GLS: variants seen among roughly 807,000 people sequenced by gnomAD.
The protein encoded by GLS is glutaminase kidney isoform, mitochondrial.
A neutral mutation model predicts 86.7 loss-of-function variants in GLS; 36 were observed. That is an observed-to-expected ratio of 0.42 (90% CI 0.32 to 0.55). GLS has a LOEUF of 0.55. GLS is among the 20% of genes least tolerant of loss of function. The pLI is 0.17. For synonymous variants in GLS, 317 were observed against 305.9 expected (o/e 1.04, Z -0.38); for missense variants, 528 against 833.4 (o/e 0.63, Z 4.51).
At chr2:190,934,917 T>C in intron 14 of GLS, 1 of 976,132 alleles carries the variant, frequency 1.0e-6, no homozygotes, top group Non-Finnish European at 1.2e-6. Flanking sequence ...AAGAAAAAAC[T>C]TTGCCAGTTT....
chr2:190,884,119 C>T (rs1418445231), intron 1 of GLS, among the ~76,000 whole-genome samples: 3 of 152,162 alleles, frequency 2.0e-5, no homozygotes, highest in Admixed American at 6.5e-5. Context: ...TGCCTCTCTT[C>T]GTTTTCAAAA....
chr2:190,934,135 G>A, intron 14 of GLS: 5 of 983,092 alleles, frequency 5.1e-6, no homozygotes, highest in Non-Finnish European at 6.0e-6. Flanking sequence ...GTTGAAACCT[G>A]TTAATTTTAG....
intron 3 of GLS, chr2:190,896,366 T>C (rs1574567933): frequency 6.6e-6 from 1 of 152,236 alleles, no homozygotes; most frequent in African/African-American, 2.4e-5. Flanking sequence ...GTTTGATTAC[T>C]TAAAGATTTA....
intron 12 of GLS, among the ~76,000 whole-genome samples, chr2:190,929,842 G>GTA (rs1280353252): frequency 5.3e-5 from 8 of 150,322 alleles, no homozygotes; most frequent in East Asian, 2.0e-4. Context: ...TCTATGGTAT[G>GTA]TATATATATA....
At chr2:190,960,365 T>A (rs1384559950) in intron 17 of GLS, among the ~76,000 whole-genome samples, 1 of 145,398 alleles carries the variant, frequency 6.9e-6, no homozygotes, top group African/African-American at 2.6e-5. Context: ...TTCAATTTTT[T>A]TTTTTTTTTT....
chr2:190,918,840 G>T (rs1689633385), intron 7 of GLS, among the ~76,000 whole-genome samples: 1 of 152,096 alleles, frequency 6.6e-6, no homozygotes, highest in Non-Finnish European at 1.5e-5. Context: ...GTGTCTCAGG[G>T]AATAGGGGTC....
At chr2:190,900,187 T>C (rs910287699) in intron 3 of GLS, among the ~76,000 whole-genome samples, 2 of 152,172 alleles carry the variant, frequency 1.3e-5, no homozygotes, top group African/African-American at 4.8e-5. Flanking sequence ...ACTTGGTAAA[T>C]AAACAAGATC....
chr2:190,934,833 G>A (rs565846845), intron 14 of GLS: 84 of 972,866 alleles, frequency 8.6e-5, no homozygotes, highest in Non-Finnish European at 1.0e-4. Context: ...TGTTAAGAAT[G>A]AGCAGAAATT....
intron 6 of GLS, among the ~76,000 whole-genome samples, chr2:190,907,703 T>C (rs1416266860): frequency 6.6e-6 from 1 of 152,250 alleles, no homozygotes; most frequent in East Asian, 1.9e-4. Flanking sequence ...TTTTTCTACC[T>C]TGTAGTGATC....
intron 6 of GLS, among the ~76,000 whole-genome samples, chr2:190,906,166 A>G (rs959255207): frequency 3.3e-5 from 5 of 151,606 alleles, no homozygotes; most frequent in African/African-American, 7.3e-5. Flanking sequence ...AGGACATCAT[A>G]TGCAGAAGCA....
Position 190,930,034 on chromosome 2 carries a change from G to T in GLS, c.1426-403G>T, listed in dbSNP as rs1359678199. Among the ~76,000 whole-genome samples the T allele has an allele frequency of 1.3e-5, 2 of 150,810 alleles. No homozygotes were observed. Among genetic ancestry groups the T allele is most frequent in the East Asian group, 3.9e-4 (2 of 5,098 alleles). ...AGGCGGGCGGATCACAAGGTCAGGA[G>T]ATAATTTTTAATTTTTAAACCAATT... On this transcript the variant is annotated intron_variant, in intron 12 of 17. Transcript: ENST00000320717. The surrounding 1 kb of genome is among the most constrained non-coding windows in gnomAD (Gnocchi z 5.0).
intron 7 of GLS, among the ~76,000 whole-genome samples, chr2:190,918,065 T>C (rs1689602490): frequency 6.6e-6 from 1 of 152,188 alleles, no homozygotes; most frequent in African/African-American, 2.4e-5. Flanking sequence ...TCTTAAGGAC[T>C]CTAGGGTTTT....
At chr2:190,940,717 C>G (rs985605559) in intron 14 of GLS, among the ~76,000 whole-genome samples, 3 of 151,506 alleles carry the variant, frequency 2.0e-5, no homozygotes, top group African/African-American at 7.3e-5. Flanking sequence ...TATTTTCAAT[C>G]CCTGTTTTAC....
chr2:190,900,792 A>T lies in GLS; in HGVS notation c.735+99A>T, dbSNP rs890331369. On this transcript the variant is annotated intron_variant, in intron 4 of 17. Coordinates refer to ENST00000320717, the MANE Select transcript of GLS (RefSeq NM_014905.5). ...TAAATTGTGTAGTTGTGTTTTGCTA[A>T]AGAAAACACTTTAGCTTCGCTTAAG... is the stretch of plus-strand genomic sequence containing the variant. 4.4e-5 allele frequency: 37 copies of T among 833,258 alleles called. No individual in the cohort carries two copies. The African/African-American group carries it at 5.4e-4, about 12-fold the overall frequency. The allele number at this position is 833,258 out of a possible 1,614,324, so 51.6% of individuals were successfully genotyped here.
chr2:190,961,602 A>G (rs1204115858), intron 17 of GLS, among the ~76,000 whole-genome samples: 1 of 152,020 alleles, frequency 6.6e-6, no homozygotes, highest in African/African-American at 2.4e-5. Flanking sequence ...AGATAATTAC[A>G]TACTGTAGAG....
At chr2:190,923,139 C>T (rs926660212) in intron 9 of GLS, among the ~76,000 whole-genome samples, 2 of 152,162 alleles carry the variant, frequency 1.3e-5, no homozygotes, top group African/African-American at 4.8e-5. Flanking sequence ...ATAGATCAGT[C>T]ATCACTTCTT....
At chr2:190,950,648 T>C (rs73062696) in intron 14 of GLS, among the ~76,000 whole-genome samples, 10,436 of 152,258 alleles carry the variant, frequency 0.069, 1,184 homozygotes, top group African/African-American at 0.24. Flanking sequence ...TGTACCTGGG[T>C]GCTAGGACAC....
chr2:190,900,507 C>A, intron 3 of GLS, 57 bp from the exon 4 acceptor site: 1 of 958,932 alleles, frequency 1.0e-6, no homozygotes, highest in Non-Finnish European at 1.5e-6. Flanking sequence ...CTGTTATTAC[C>A]AAGTTCTGAT....
chr2:190,931,511 A>G (rs779007882), intron 13 of GLS, 34 bp from the exon 14 acceptor site: 25 of 989,600 alleles, frequency 2.5e-5, no homozygotes, highest in South Asian at 2.0e-4. Context: ...TGAATAGCCA[A>G]TTTCTTATAC....
Sources: gnomAD v4.1 joint callset for allele counts (sites outside exome capture counted in the v4.1 genomes callset) on GRCh38, gnomAD v4.1.1 for gene constraint, Gnocchi (gnomAD v3.1) non-coding constraint, MANE v1.5 for transcripts, NCBI Gene and HGNC (gene_info 2026-07-23, HGNC 2026-07-21) for gene names.